OGG1: variants seen among roughly 807,000 people sequenced by gnomAD.
The protein encoded by OGG1 is 8-oxoguanine DNA glycosylase.
In OGG1, 35 loss-of-function variants were observed where a neutral mutation model predicts 42.3. The ratio of observed to expected loss-of-function variants is 0.83; its 90% CI spans 0.63 to 1.10. The LOEUF is 1.10. Ranked by LOEUF, OGG1 falls within the 50% of genes least tolerant of loss-of-function variation. The pLI is 0.00. For missense variants in OGG1, 484 were observed against 446.7 expected (o/e 1.08, Z -0.75); for synonymous variants, 189 against 179.0 (o/e 1.06, Z -0.44).
rs534192335 is a variant in OGG1 at position 9,787,821 on chromosome 3, G to C, written c.*90G>C. The C allele has an allele frequency of 6.2e-5, 50 of 800,876 alleles. 1 individual carries two copies. The South Asian group carries it at 6.9e-4, about 11-fold the overall frequency. The allele number at this position is 800,876 out of a possible 1,614,324, so 49.6% of individuals were successfully genotyped here. A position where few individuals can be genotyped will look rare whatever the true frequency, so the allele number is the denominator to read the frequency against. On this transcript the variant is annotated 3_prime_UTR_variant, in exon 4 of 4. Transcript: ENST00000426518. ...AGAGACTGACTAACTTTCTGCTGGG[G>C]AATCTGAAAGAGTGCTTTGGTGGAG...
At chr3:9,781,833 CTTTTTTTTT>C (rs35246642) in intron 3 of OGG1, among the ~76,000 whole-genome samples, 25 of 86,892 alleles carry the variant, frequency 2.9e-4, no homozygotes, top group South Asian at 4.6e-4. Flanking sequence ...CCCATTACTT[CTTTTTTTTT>C]TTTTTTTTTT....
At chr3:9,760,821 G>A (rs566607774), downstream of OGG1, 77 of 1,608,758 alleles carry the variant, frequency 4.8e-5, 1 homozygote, top group South Asian at 7.7e-5. Context: ...CGTTGGCTCC[G>A]GGGTGGAGCA....
chr3:9,774,623 C>G (rs2078342347), intron 2 of OGG1, among the ~76,000 whole-genome samples: 1 of 151,950 alleles, frequency 6.6e-6, no homozygotes. Flanking sequence ...AATAAATGGT[C>G]AAAGGATACA....
At chr3:9,770,270 C>T (rs184255178), downstream of OGG1, among the ~76,000 whole-genome samples, 1 of 152,324 alleles carries the variant, frequency 6.6e-6, no homozygotes, top group Non-Finnish European at 1.5e-5. Flanking sequence ...CAAACTCACC[C>T]TGTGGCCTGG....
chr3:9,763,489 A>G (rs1326751805), intron 7 of OGG1, among the ~76,000 whole-genome samples: 1 of 151,848 alleles, frequency 6.6e-6, no homozygotes, highest in East Asian at 1.9e-4. Context: ...ATACCTGGGT[A>G]GGACAAACCA....
chr3:9,789,562 G>A (rs201406757), downstream of OGG1: 977 of 1,614,106 alleles, frequency 6.1e-4, 2 homozygotes, highest in South Asian at 2.9e-3. Context: ...TCAAGTGTGC[G>A]GACCTCCTCG....
downstream of OGG1, chr3:9,759,989 T>A: frequency 2.1e-6 from 1 of 487,072 alleles, no homozygotes; most frequent in Non-Finnish European, 3.6e-6. Flanking sequence ...ATGTCTGTAA[T>A]CCCAGCACTT....
intron 2 of OGG1, among the ~76,000 whole-genome samples, chr3:9,776,052 T>C (rs2125608366): frequency 6.6e-6 from 1 of 152,332 alleles, no homozygotes; most frequent in East Asian, 1.9e-4. Flanking sequence ...GGAGCACCAT[T>C]GTCTAGAGAA....
At chr3:9,750,601 T>C (rs1424589831) in intron 1 of OGG1, 178 bp downstream of exon 1, 7 of 860,398 alleles carry the variant, frequency 8.1e-6, no homozygotes, top group Non-Finnish European at 1.3e-5. Flanking sequence ...GTGATAATTG[T>C]AAGGATCCAG....
downstream of OGG1, chr3:9,757,763 C>T (rs141116659): frequency 8.1e-6 from 13 of 1,614,140 alleles, no homozygotes; most frequent in Admixed American, 1.2e-4. This position sits in a 1 kb window ranked among gnomAD's most constrained non-coding sequence, Gnocchi z 4.5. Flanking sequence ...CCCCATGGCT[C>T]GCCGTCTGCC....
intron 3 of OGG1, chr3:9,784,207 C>T (rs375495645): frequency 1.7e-5 from 28 of 1,608,648 alleles, no homozygotes; most frequent in African/African-American, 1.2e-4. Flanking sequence ...ACTTAGTATG[C>T]GGCACACTGC....
At position 9,750,202 on chromosome 3, in the gene OGG1, T is replaced by G. The variant is rs1025297438; in HGVS notation, c.-85T>G. ...GTGGGCGAGGCCTTAAGGGTCGTGGTCCTTGTCTGGGCGGGGTCTTTGGGC... is the reference window on the plus strand; with the variant it reads ...GTGGGCGAGGCCTTAAGGGTCGTGGGCCTTGTCTGGGCGGGGTCTTTGGGC... On this transcript the variant is annotated 5_prime_UTR_variant, in exon 1 of 7. Transcript: ENST00000344629. 4.6e-6 allele frequency: 7 copies of G among 1,530,128 alleles called. No individual in the cohort carries two copies. The African/African-American group carries it at 8.2e-5, about 18-fold the overall frequency. The allele number at this position is 1,530,128 out of a possible 1,614,324, so 94.8% of individuals were successfully genotyped here.
At chr3:9,789,751 G>T (rs760618790), downstream of OGG1, 1 of 1,614,044 alleles carries the variant, frequency 6.2e-7, no homozygotes, top group African/African-American at 1.3e-5. Flanking sequence ...GTGGCACGTC[G>T]ATAGGGTCAT....
downstream of OGG1, chr3:9,761,472 G>C (rs56203420): frequency 1.2e-6 from 2 of 1,612,178 alleles, no homozygotes; most frequent in East Asian, 2.2e-5. Flanking sequence ...AGATGTAGGC[G>C]ATGACACCTA....
At chr3:9,772,110 G>A (rs376912111) in intron 2 of OGG1, among the ~76,000 whole-genome samples, 6 of 152,108 alleles carry the variant, frequency 3.9e-5, no homozygotes, top group South Asian at 2.1e-4. Context: ...GAGCTACCGC[G>A]CCCAGCTGAC....
At chr3:9,768,172 G>A (rs565627571), downstream of OGG1, among the ~76,000 whole-genome samples, 8 of 152,180 alleles carry the variant, frequency 5.3e-5, no homozygotes, top group East Asian at 9.7e-4. Flanking sequence ...TGATGTCCCC[G>A]CCCCACCCTG....
chr3:9,771,197 T>A (rs2078292214), downstream of OGG1, among the ~76,000 whole-genome samples: 1 of 151,992 alleles, frequency 6.6e-6, no homozygotes, highest in Non-Finnish European at 1.5e-5. Flanking sequence ...CTGGCTTTTT[T>A]ATTTTTTGTA....
Position 9,754,966 on chromosome 3 carries a change from G to A in OGG1, c.747+81G>A, listed in dbSNP as rs1559686523. The A allele has an allele frequency of 4.5e-5, 57 of 1,278,906 alleles. No individual in the cohort carries two copies. In the South Asian group the frequency reaches 7.0e-4, roughly 16 times the overall value. The allele number at this position is 1,278,906 out of a possible 1,614,324, so 79.2% of individuals were successfully genotyped here. On this transcript the variant is annotated intron_variant, in intron 4 of 6. Coordinates refer to ENST00000344629, the MANE Select transcript of OGG1 (RefSeq NM_002542.6). ...GAAATGAGCCAAGCCTGGGAGCTGG[G>A]TGGAGGCTTGGCTTCCGGAGGCAGA...
chr3:9,787,198 C>A (rs1387688018), intron 3 of OGG1: 2 of 1,614,196 alleles, frequency 1.2e-6, no homozygotes, highest in Non-Finnish European at 1.7e-6. Context: ...GAGAGGCCTA[C>A]CTTTAGTGTC....
Sources: gnomAD v4.1 joint callset for allele counts (sites outside exome capture counted in the v4.1 genomes callset) on GRCh38, gnomAD v4.1.1 for gene constraint, Gnocchi (gnomAD v3.1) non-coding constraint, MANE v1.5 for transcripts, NCBI Gene and HGNC (gene_info 2026-07-23, HGNC 2026-07-21) for gene names.